The following RUNX1 variants were observed in gnomAD, a reference collection of about 807,000 sequenced individuals.
RUNX1 encodes the protein RUNX family transcription factor 1.
RUNX1 carries 19 observed loss-of-function variants against 42.8 expected under a neutral mutation model. That is an observed-to-expected ratio of 0.44 (90% confidence interval 0.31 to 0.65). RUNX1 has a LOEUF of 0.65. Among genes scored for constraint, RUNX1 ranks in the 30% least tolerant of loss-of-function variants. RUNX1 has a pLI of 0.07. For missense variants in RUNX1, 528 were observed against 672.0 expected (o/e 0.79, Z 2.37); for synonymous variants, 271 against 289.4 (o/e 0.94, Z 0.64).
chr21:35,044,160 G>A (rs1217743756), intron 2 of RUNX1, among the ~76,000 whole-genome samples: 2 of 152,216 alleles, frequency 1.3e-5, no homozygotes, highest in Non-Finnish European at 2.9e-5. Context: ...AGGGTGGACT[G>A]AGTTACCCAC....
At position 34,907,749 on chromosome 21, in the gene RUNX1, G is replaced by C. The variant is rs1488158423; in HGVS notation, c.59-14786C>G. 1.3e-5 allele frequency among the ~76,000 whole-genome samples: 2 copies of C among 152,168 alleles called. No individual in the cohort carries two copies. The highest frequency in any genetic ancestry group is 2.9e-5 in the Non-Finnish European group (2 of 68,026). Reference sequence around the variant, plus strand: ...AGCTAAACAGTCATGAGAGGTGAAGGATTATTATGAAATAAAACAGAGTGA... The same window carrying C: ...AGCTAAACAGTCATGAGAGGTGAAGCATTATTATGAAATAAAACAGAGTGA... On this transcript the variant is annotated intron_variant, in intron 2 of 8. Transcript: ENST00000675419. This position sits in a 1 kb window ranked among gnomAD's most constrained non-coding sequence, Gnocchi z 5.3.
At chr21:34,881,963 G>A (rs534891166) in intron 4 of RUNX1, among the ~76,000 whole-genome samples, 50 of 152,152 alleles carry the variant, frequency 3.3e-4, no homozygotes, top group African/African-American at 1.1e-3. Flanking sequence ...CATTCTTTAC[G>A]GTAAAGTCAG....
At chr21:34,793,148 C>T (rs928499346) in intron 8 of RUNX1, among the ~76,000 whole-genome samples, 1 of 149,444 alleles carries the variant, frequency 6.7e-6, no homozygotes, top group Non-Finnish European at 1.5e-5. Flanking sequence ...GATGCTGCTG[C>T]CTAGGGAGAG....
At chr21:34,825,439 T>TA (rs151012036) in intron 7 of RUNX1, among the ~76,000 whole-genome samples, 3,200 of 152,128 alleles carry the variant, frequency 0.021, 104 homozygotes, top group African/African-American at 0.07. Flanking sequence ...TGATCTCATC[T>TA]AAAAAAAATC....
At chr21:34,821,688 T>C in intron 7 of RUNX1, 3 of 1,574,430 alleles carry the variant, frequency 1.9e-6, no homozygotes, top group Non-Finnish European at 2.6e-6. Context: ...CAGGGTGCTG[T>C]GTCTTCCTCT....
At chr21:34,815,314 C>T (rs1337997754) in intron 7 of RUNX1, among the ~76,000 whole-genome samples, 1 of 152,016 alleles carries the variant, frequency 6.6e-6, no homozygotes, top group Non-Finnish European at 1.5e-5. Flanking sequence ...TTCATCCATT[C>T]AGCTGAAAAT....
intron 3 of RUNX1, chr21:34,889,634 C>T: frequency 9.1e-7 from 1 of 1,098,146 alleles, no homozygotes; most frequent in Non-Finnish European, 1.1e-6. Context: ...CCGCTCCTCT[C>T]CCCGCCCCCG....
intron 2 of RUNX1, among the ~76,000 whole-genome samples, chr21:34,958,764 G>A (rs892783753): frequency 1.3e-5 from 2 of 151,342 alleles, no homozygotes; most frequent in East Asian, 1.9e-4. Flanking sequence ...TGTTTATTGC[G>A]GCACTATTCA....
Position 34,792,235 on chromosome 21 carries a change from T to G in RUNX1, c.1343A>C (p.Asn448Thr). 6.5e-7 allele frequency: 1 copy of G among 1,539,622 alleles called. No individual in the cohort carries two copies. Among genetic ancestry groups the G allele is most frequent in the Non-Finnish European group, 8.7e-7 (1 of 1,148,478 alleles). The change falls in exon 9 of 9, where the codon AAC (asparagine) becomes ACC (threonine). Residue 448 changes from asparagine (N) to threonine (T), a missense_variant. Transcript: ENST00000675419. The surrounding 1 kb of genome is among the most constrained non-coding windows in gnomAD (Gnocchi z 6.9). ...GSALLNPSLP[N>T]QSDVVEAEGS... is the part of the protein sequence containing the mutation. ...CTCGGCCTCCACCACGTCGCTCTGG[T>G]TCGGGAGGCTGGGGTTGAGCAGCGC...
intron 6 of RUNX1, among the ~76,000 whole-genome samples, chr21:34,842,514 A>AT (rs1255106262): frequency 1.2e-4 from 18 of 151,560 alleles, no homozygotes; most frequent in Admixed American, 1.1e-3. Flanking sequence ...AAAAAAAAAA[A>AT]ATTAAATCAA....
intron 2 of RUNX1, among the ~76,000 whole-genome samples, chr21:34,926,994 A>C (rs2058400406): frequency 6.6e-6 from 1 of 152,184 alleles, no homozygotes; most frequent in Non-Finnish European, 1.5e-5. Flanking sequence ...CCCTTTGGCT[A>C]AAGCACTGTC....
chr21:34,972,322 T>C (rs1002526481), intron 2 of RUNX1, among the ~76,000 whole-genome samples: 4 of 152,196 alleles, frequency 2.6e-5, no homozygotes, highest in African/African-American at 7.2e-5. Flanking sequence ...AATTCTATGG[T>C]AATTAAATAA....
intron 5 of RUNX1, among the ~76,000 whole-genome samples, chr21:34,876,060 C>T (rs1397682327): frequency 6.6e-6 from 1 of 152,134 alleles, no homozygotes; most frequent in African/African-American, 2.4e-5. Flanking sequence ...ATTAAAGCTG[C>T]CAGGGAGGTC....
chr21:35,021,155 A>G (rs979758394), intron 2 of RUNX1, among the ~76,000 whole-genome samples: 4 of 152,232 alleles, frequency 2.6e-5, no homozygotes, highest in African/African-American at 9.6e-5. Flanking sequence ...ATGGAGCCAG[A>G]AAGTCTGAGT....
At chr21:34,825,849 C>T (rs1395753333) in intron 7 of RUNX1, among the ~76,000 whole-genome samples, 1 of 152,088 alleles carries the variant, frequency 6.6e-6, no homozygotes, top group Admixed American at 6.5e-5. Context: ...AAAGAGATGA[C>T]ACAAAGGAGG....
At chr21:34,796,877 TAGAG>T (rs906044810) in intron 8 of RUNX1, among the ~76,000 whole-genome samples, 6 of 150,690 alleles carry the variant, frequency 4.0e-5, no homozygotes, top group Non-Finnish European at 8.9e-5. Flanking sequence ...CTGCAAAGGA[TAGAG>T]AGAGAGAGAC....
intron 2 of RUNX1, among the ~76,000 whole-genome samples, chr21:34,995,449 T>TG (rs2058987349): frequency 6.8e-6 from 1 of 146,880 alleles, no homozygotes. Context: ...TTTTTTTTTT[T>TG]TTTTTTTTTG....
intron 2 of RUNX1, among the ~76,000 whole-genome samples, chr21:35,025,087 GA>G (rs2146955933): frequency 6.6e-6 from 1 of 152,346 alleles, no homozygotes; most frequent in East Asian, 1.9e-4. Flanking sequence ...GGTGCTGTTA[GA>G]ATGGTGCTCC....
intron 2 of RUNX1, among the ~76,000 whole-genome samples, chr21:35,002,552 C>T (rs1175201992): frequency 2.6e-5 from 4 of 151,834 alleles, no homozygotes; most frequent in African/African-American, 7.3e-5. Context: ...CTCAGCCTCC[C>T]GAGTAGCTGG....
Sources: gnomAD v4.1 joint callset for allele counts (sites outside exome capture counted in the v4.1 genomes callset) on GRCh38, gnomAD v4.1.1 for gene constraint, Gnocchi (gnomAD v3.1) non-coding constraint, MANE v1.5 for transcripts, NCBI Gene and HGNC (gene_info 2026-07-23, HGNC 2026-07-21) for gene names.